Variants in ASPH observed in about 807,000 individuals in gnomAD.
ASPH encodes the protein aspartyl/asparaginyl beta-hydroxylase.
In ASPH, 100 loss-of-function variants were observed where a neutral mutation model predicts 118.4. The observed-to-expected ratio is 0.84, with a 90% confidence interval of 0.72 to 1.00. ASPH has a LOEUF of 1.00. ASPH is among the 50% of genes least tolerant of loss of function. ASPH has a pLI of 0.00. For missense variants in ASPH, 920 were observed against 919.5 expected (o/e 1.00, Z -0.01); for synonymous variants, 315 against 325.6 (o/e 0.97, Z 0.35).
chr8:61,677,550 T>C (rs148647986), intron 3 of ASPH, among the ~76,000 whole-genome samples: 360 of 152,324 alleles, frequency 2.4e-3, no homozygotes, highest in African/African-American at 7.9e-3. Flanking sequence ...TTAAAGATTA[T>C]AGTGAATTTT....
intron 3 of ASPH, chr8:61,680,632 T>C: frequency 6.1e-6 from 1 of 164,872 alleles, no homozygotes; most frequent in Non-Finnish European, 1.3e-5. Context: ...AAAATGGCTA[T>C]AATTACCATA....
At position 61,637,470 on chromosome 8, in the gene ASPH, G is replaced by A. The variant is rs373863379; in HGVS notation, c.889+477C>T. On this transcript the variant is annotated intron_variant, in intron 12 of 24. Coordinates refer to ENST00000379454, the MANE Select transcript of ASPH (RefSeq NM_004318.4). Reference sequence around the variant, plus strand: ...ATTTAAATCTAAGTTCTATTGAAGCGCCACTGTTTAATACATGCAATTATT... The same window carrying A: ...ATTTAAATCTAAGTTCTATTGAAGCACCACTGTTTAATACATGCAATTATT... Among the ~76,000 whole-genome samples the A allele has an allele frequency of 1.1e-4, 16 of 152,024 alleles. No homozygotes were observed. In the East Asian group the frequency reaches 2.5e-3, roughly 24 times the overall value.
intron 3 of ASPH, chr8:61,662,012 C>A: frequency 2.7e-6 from 1 of 376,256 alleles, no homozygotes; most frequent in South Asian, 1.1e-4. Context: ...AAAATTCATT[C>A]ACATACGAAG....
In ASPH at chr8:61,642,845, CA is replaced by C. The variant is rs749849292; in HGVS notation, c.790+42del. ...GGGCAACAAGAGCGAAACTCCATCT[CA>C]AAAAAAAAAAGAAAAAAAAAAAAAA... is the stretch of plus-strand genomic sequence containing the variant. On this transcript the variant is annotated intron_variant, in intron 10 of 24. Coordinates refer to ENST00000379454, the MANE Select transcript of ASPH (RefSeq NM_004318.4). 0.014 allele frequency: 11,705 copies of C among 845,290 alleles called. No individual in the cohort carries two copies. Among genetic ancestry groups the C allele is most frequent in the Admixed American group, 0.023 (358 of 15,586 alleles). The allele number at this position is 845,290 out of a possible 1,614,324, so 52.4% of individuals were successfully genotyped here. A position where few individuals can be genotyped will look rare whatever the true frequency, so the allele number is the denominator to read the frequency against.
chr8:61,551,277 C>T (rs535587005), intron 20 of ASPH, among the ~76,000 whole-genome samples: 6 of 152,316 alleles, frequency 3.9e-5, no homozygotes, highest in African/African-American at 1.4e-4. Flanking sequence ...AGCACAGAGG[C>T]TGTGGCTTTG....
chr8:61,577,398 G>C (rs1407742396), intron 15 of ASPH, among the ~76,000 whole-genome samples: 1 of 16,342 alleles, frequency 6.1e-5, no homozygotes, highest in African/African-American at 3.3e-4. Context: ...GCCCAATCTC[G>C]CAAAAAAAAA....
intron 14 of ASPH, among the ~76,000 whole-genome samples, chr8:61,593,209 T>C (rs1199686550): frequency 6.8e-6 from 1 of 146,706 alleles, no homozygotes; most frequent in Non-Finnish European, 1.5e-5. Flanking sequence ...CAGGAGCCTT[T>C]GTTTGTATTA....
chr8:61,573,283 G>C (rs4322002), intron 16 of ASPH, among the ~76,000 whole-genome samples: 14,467 of 152,182 alleles, frequency 0.095, 981 homozygotes, highest in East Asian at 0.28. Flanking sequence ...AATGGCCATA[G>C]TGCCCAAAGT....
intron 24 of ASPH, among the ~76,000 whole-genome samples, chr8:61,516,510 A>G (rs954434586): frequency 4.6e-5 from 7 of 152,072 alleles, no homozygotes; most frequent in African/African-American, 1.7e-4. Context: ...CTCATCCTCC[A>G]CTCAGACCTC....
intron 3 of ASPH, chr8:61,664,525 T>C (rs1484499441): frequency 1.5e-5 from 15 of 985,008 alleles, no homozygotes; most frequent in South Asian, 4.7e-5. Flanking sequence ...AAGCACTAAG[T>C]ATGTACTGGA....
chr8:61,551,014 G>T (rs1331911332), intron 20 of ASPH, among the ~76,000 whole-genome samples: 1 of 152,134 alleles, frequency 6.6e-6, no homozygotes, highest in Non-Finnish European at 1.5e-5. Flanking sequence ...GAGGAAAAAC[G>T]GTTTAGAGAA....
chr8:61,706,295 T>G (rs1057196940), intron 1 of ASPH, among the ~76,000 whole-genome samples: 6 of 149,512 alleles, frequency 4.0e-5, no homozygotes, highest in African/African-American at 1.5e-4. Flanking sequence ...TGGTGGTGCA[T>G]GCCTGTAGTC....
intron 3 of ASPH, among the ~76,000 whole-genome samples, chr8:61,670,325 T>C (rs1821814292): frequency 6.6e-6 from 1 of 151,652 alleles, no homozygotes; most frequent in Non-Finnish European, 1.5e-5. Context: ...TAAAGTGAAA[T>C]GATCAGTTTT....
chr8:61,704,356 T>C (rs1428729404), intron 1 of ASPH, among the ~76,000 whole-genome samples: 1 of 151,454 alleles, frequency 6.6e-6, no homozygotes, highest in Non-Finnish European at 1.5e-5. Context: ...TGAAATTCCA[T>C]ATAGAAAAAT....
Position 61,637,933 on chromosome 8 carries a change from T to G in ASPH, c.889+14A>C. On this transcript the variant is annotated intron_variant, in intron 12 of 24. Coordinates refer to ENST00000379454, the MANE Select transcript of ASPH (RefSeq NM_004318.4). ...CATATGGAAGGTAAAACCACTTCCA[T>G]AAATTTATCTTACCTTCTACAATTA... 1 of 1,603,252 alleles carries G rather than the reference T, an allele frequency of 6.2e-7. No homozygotes were observed. The highest frequency in any genetic ancestry group is 8.5e-7 in the Non-Finnish European group (1 of 1,174,652).
chr8:61,605,522 T>C (rs1845307118), intron 14 of ASPH, among the ~76,000 whole-genome samples: 1 of 152,200 alleles, frequency 6.6e-6, no homozygotes, highest in Non-Finnish European at 1.5e-5. Context: ...GTAAAGCTGA[T>C]TAACACTCCT....
intron 16 of ASPH, chr8:61,576,498 G>T: frequency 3.2e-6 from 1 of 317,106 alleles, no homozygotes; most frequent in Non-Finnish European, 5.8e-6. Flanking sequence ...TAGATGGAAT[G>T]GGACATGAGG....
chr8:61,702,849 A>C (rs911523894), intron 1 of ASPH, among the ~76,000 whole-genome samples: 22 of 152,234 alleles, frequency 1.4e-4, no homozygotes, highest in African/African-American at 5.3e-4. Context: ...GTATGGAAGG[A>C]GAAAAACCAA....
Position 61,548,147 on chromosome 8 carries a change from G to C in ASPH, c.1688C>G (p.Ser563Ter). 1 of 1,614,018 alleles carries C rather than the reference G, an allele frequency of 6.2e-7. No individual in the cohort carries two copies. Among genetic ancestry groups the C allele is most frequent in the African/African-American group, 1.3e-5 (1 of 75,030 alleles). The change falls in exon 21 of 25, where the codon TCA (serine) becomes TGA (stop). Residue 563 changes from serine to a stop codon, truncating the protein, a stop_gained. Coordinates refer to ENST00000379454, the MANE Select transcript of ASPH (RefSeq NM_004318.4). LOFTEE classifies it high-confidence loss of function. ...RGHFASVWQR[S>*]LYNVNGLKAQ... is the part of the protein sequence containing the mutation. ...TTTCAGTCCATTCACATTGTAGAGTGAGCGTTGCCAGACAGATGCAAAGTG... is the reference window on the plus strand; with the variant it reads ...TTTCAGTCCATTCACATTGTAGAGTCAGCGTTGCCAGACAGATGCAAAGTG...
Sources: allele counts gnomAD v4.1 joint callset (sites outside exome capture counted in the v4.1 genomes callset), GRCh38; gene constraint gnomAD v4.1.1; transcripts MANE v1.5; gene names NCBI Gene and HGNC (gene_info 2026-07-23, HGNC 2026-07-21).